THSD7B: variants seen among roughly 807,000 people sequenced by gnomAD.
THSD7B encodes thrombospondin type-1 domain-containing protein 7B.
A neutral mutation model predicts 213.6 loss-of-function variants in THSD7B; 138 were observed. The observed-to-expected ratio is 0.65, with a 90% CI of 0.56 to 0.74. The LOEUF (loss-of-function observed/expected upper bound fraction) is 0.74, where lower values mean the gene tolerates loss of function less well. Among genes scored for constraint, THSD7B ranks in the 30% least tolerant of loss-of-function variants. THSD7B has a pLI of 0.00. For synonymous variants in THSD7B, 742 were observed against 687.0 expected (o/e 1.08, Z -1.25); for missense variants, 1,931 against 1,991.5 (o/e 0.97, Z 0.58).
At chr2:136,903,460 A>AT (rs538227195) in intron 2 of THSD7B, among the ~76,000 whole-genome samples, 12 of 150,842 alleles carry the variant, frequency 8.0e-5, no homozygotes, top group East Asian at 1.9e-4. Context: ...TGCTTTCAGA[A>AT]TTTTTTTTTT....
intron 14 of THSD7B, among the ~76,000 whole-genome samples, chr2:137,442,221 C>A (rs562449374): frequency 6.6e-6 from 1 of 152,174 alleles, no homozygotes; most frequent in South Asian, 2.1e-4. Flanking sequence ...TATATAAGCT[C>A]AACTTTCTGC....
At chr2:136,858,194 G>A (rs904228527) in intron 1 of THSD7B, among the ~76,000 whole-genome samples, 8 of 152,150 alleles carry the variant, frequency 5.3e-5, no homozygotes, top group African/African-American at 1.4e-4. Flanking sequence ...TACATTTAAA[G>A]CGATGATTAT....
intron 17 of THSD7B, among the ~76,000 whole-genome samples, chr2:137,574,703 C>T (rs1237976291): frequency 6.6e-6 from 1 of 151,992 alleles, no homozygotes; most frequent in Non-Finnish European, 1.5e-5. Context: ...GGGCTCATAC[C>T]TGATTATTTT....
At chr2:137,007,759 T>G (rs1331139884) in intron 2 of THSD7B, among the ~76,000 whole-genome samples, 1 of 152,104 alleles carries the variant, frequency 6.6e-6, no homozygotes, top group Non-Finnish European at 1.5e-5. Context: ...TCTATAGAGA[T>G]TATATTGCCA....
intron 12 of THSD7B, among the ~76,000 whole-genome samples, chr2:137,352,145 C>A (rs1685028043): frequency 1.4e-5 from 2 of 148,000 alleles, no homozygotes; most frequent in South Asian, 4.3e-4. Flanking sequence ...GAGAAGGGGG[C>A]AGGGGTGAGG....
intron 2 of THSD7B, among the ~76,000 whole-genome samples, chr2:136,937,614 A>G (rs1421763594): frequency 6.6e-6 from 1 of 152,152 alleles, no homozygotes; most frequent in Non-Finnish European, 1.5e-5. Context: ...CCTTGTATAG[A>G]GTTACTATTT....
At chr2:137,355,679 T>C (rs1376612844) in intron 12 of THSD7B, among the ~76,000 whole-genome samples, 2 of 152,174 alleles carry the variant, frequency 1.3e-5, no homozygotes, top group Non-Finnish European at 2.9e-5. Flanking sequence ...CACCATTTAC[T>C]TTTCTAATGA....
chr2:136,983,380 C>G (rs1456685068), intron 2 of THSD7B, among the ~76,000 whole-genome samples: 1 of 65,006 alleles, frequency 1.5e-5, no homozygotes. Context: ...CGCACACACA[C>G]TCACTCTCTC....
intron 1 of THSD7B, among the ~76,000 whole-genome samples, chr2:136,807,525 T>TTTTTTTTTTTTTA (rs70975713): frequency 6.7e-6 from 1 of 148,822 alleles, no homozygotes; most frequent in African/African-American, 2.5e-5. Flanking sequence ...TTTTTTTTTT[T>TTTTTTTTTTTTTA]GAGACGGAGT....
chr2:137,632,248 C>A (rs947783569), intron 20 of THSD7B, among the ~76,000 whole-genome samples: 2 of 152,122 alleles, frequency 1.3e-5, no homozygotes, highest in African/African-American at 4.8e-5. Flanking sequence ...GAAAATGGGT[C>A]ACAGGTTGGA....
intron 14 of THSD7B, among the ~76,000 whole-genome samples, chr2:137,431,756 G>T (rs554648390): frequency 3.9e-5 from 6 of 152,224 alleles, no homozygotes; most frequent in African/African-American, 1.4e-4. Context: ...TCATTCGAGT[G>T]GTTATGAAGA....
chr2:137,056,888 C>G lies in THSD7B; in HGVS notation c.608C>G (p.Thr203Ser). ...TGTGGGAAGAAATTGCAGCATAGAA[C>G]TCGCGCGGTCATAGCTCCCCCTCTC... ...KGCGKKLQHR[T>S]RAVIAPPLFG... The change falls in exon 3 of 28, where the codon ACT becomes AGT. Residue 203 changes from threonine (T) to serine (S), a missense_variant. Transcript: ENST00000409968. The G allele has an allele frequency of 6.2e-7, 1 of 1,613,920 alleles. No homozygotes were observed. Among genetic ancestry groups the G allele is most frequent in the Non-Finnish European group, 8.5e-7 (1 of 1,179,884 alleles).
chr2:137,164,720 A>G (rs2104988637), intron 6 of THSD7B, among the ~76,000 whole-genome samples: 1 of 152,282 alleles, frequency 6.6e-6, no homozygotes. Context: ...GTGAATTCAT[A>G]TCCTTTGTAG....
At position 137,405,634 on chromosome 2, in the gene THSD7B, A is replaced by G. The variant is rs751093879; in HGVS notation, c.2522A>G (p.Asp841Gly). 2 of 1,607,780 alleles carry G rather than the reference A, an allele frequency of 1.2e-6. No homozygotes were observed. The highest frequency in any genetic ancestry group is 1.7e-6 in the Non-Finnish European group (2 of 1,177,548). ...QTRAVSCISD[D>G]NRSAEMMECL... is the part of the protein sequence containing the mutation. ...TCAGCTGTCTCATGCATCTCTGATG[A>G]CAACCGGTCAGCAGAAATGATGGAA... The change falls in exon 13 of 28, where the codon GAC becomes GGC. Residue 841 changes from aspartate (D) to glycine (G), a missense_variant. Coordinates refer to ENST00000409968, the MANE Select transcript of THSD7B (RefSeq NM_001316349.2).
At chr2:137,595,833 CT>C (rs1681947564) in intron 17 of THSD7B, among the ~76,000 whole-genome samples, 2 of 151,768 alleles carry the variant, frequency 1.3e-5, no homozygotes, top group African/African-American at 2.4e-5. Context: ...TTATTACAAA[CT>C]TCAAGTGAAG....
At chr2:136,805,662 G>A (rs561125570) in intron 1 of THSD7B, among the ~76,000 whole-genome samples, 1 of 152,196 alleles carries the variant, frequency 6.6e-6, no homozygotes, top group Non-Finnish European at 1.5e-5. Context: ...AGGCTCCTTT[G>A]CCCATTGGCT....
At chr2:137,088,594 A>C (rs1687885923) in intron 3 of THSD7B, among the ~76,000 whole-genome samples, 1 of 132,598 alleles carries the variant, frequency 7.5e-6, no homozygotes, top group African/African-American at 2.6e-5. Context: ...CCAAGAGCCC[A>C]AAAGCAAATG....
chr2:137,238,564 T>TTTTTTTTTTTTTTTTTTTTTTTC, intron 9 of THSD7B, among the ~76,000 whole-genome samples: 1 of 83,408 alleles, frequency 1.2e-5, no homozygotes, highest in Non-Finnish European at 2.6e-5. Flanking sequence ...TTTTTTTTTT[T>TTTTTTTTTTTTTTTTTTTTTTTC]GAGACGGAGT....
At chr2:137,058,707 T>C (rs1002826275) in intron 3 of THSD7B, among the ~76,000 whole-genome samples, 4 of 152,308 alleles carry the variant, frequency 2.6e-5, no homozygotes, top group Admixed American at 2.6e-4. Context: ...GTAATGTTTT[T>C]AGGAGGCATG....
Sources: allele counts gnomAD v4.1 joint callset (sites outside exome capture counted in the v4.1 genomes callset), GRCh38; gene constraint gnomAD v4.1.1; transcripts MANE v1.5; gene names NCBI Gene and HGNC (gene_info 2026-07-23, HGNC 2026-07-21).